The following CWF19L2 variants were observed in gnomAD, a reference collection of about 807,000 sequenced individuals.
CWF19L2 encodes the protein CWF19-like protein 2.
CWF19L2 carries 98 observed loss-of-function variants against 111.7 expected under a neutral mutation model. The ratio of observed to expected loss-of-function variants is 0.88; its 90% confidence interval spans 0.75 to 1.04. The LOEUF is 1.04. Among genes scored for constraint, CWF19L2 ranks in the 50% least tolerant of loss-of-function variants. CWF19L2 has a pLI of 0.00. For missense variants in CWF19L2, 1,101 were observed against 1,051.4 expected (o/e 1.05, Z -0.65); for synonymous variants, 351 against 342.9 (o/e 1.02, Z -0.26).
intron 12 of CWF19L2, among the ~76,000 whole-genome samples, chr11:107,387,442 A>AAAAAC (rs1197757913): frequency 3.8e-5 from 5 of 132,378 alleles, no homozygotes; most frequent in East Asian, 4.6e-4. Flanking sequence ...CAGCCTTGCT[A>AAAAAC]AAAACAAAAC....
chr11:107,382,750 G>A (rs1468819036), intron 12 of CWF19L2, among the ~76,000 whole-genome samples: 1 of 152,154 alleles, frequency 6.6e-6, no homozygotes, highest in Non-Finnish European at 1.5e-5. Flanking sequence ...TACAATGTTG[G>A]GTATCTCAAG....
intron 3 of CWF19L2, among the ~76,000 whole-genome samples, chr11:107,447,517 G>T (rs1371411109): frequency 1.3e-5 from 2 of 152,158 alleles, no homozygotes; most frequent in Non-Finnish European, 2.9e-5. Flanking sequence ...AAGAAACCTC[G>T]CTGAACATCC....
At chr11:107,367,308 C>A (rs1860444573) in intron 12 of CWF19L2, among the ~76,000 whole-genome samples, 1 of 133,316 alleles carries the variant, frequency 7.5e-6, no homozygotes, top group South Asian at 2.6e-4. Context: ...ACCATTTGAC[C>A]CAGCCATCCC....
intron 12 of CWF19L2, among the ~76,000 whole-genome samples, chr11:107,377,928 C>A (rs1187766561): frequency 5.9e-5 from 9 of 151,512 alleles, no homozygotes; most frequent in South Asian, 2.1e-4. Context: ...AAGAAAAAAA[C>A]AAACAACCCC....
chr11:107,406,130 A>G (rs1297562661), intron 10 of CWF19L2, among the ~76,000 whole-genome samples: 1 of 152,220 alleles, frequency 6.6e-6, no homozygotes, highest in Non-Finnish European at 1.5e-5. Flanking sequence ...AAAAGGAAAA[A>G]GCACACACTG....
chr11:107,349,436 A>G (rs763390540), intron 13 of CWF19L2, among the ~76,000 whole-genome samples: 1 of 152,150 alleles, frequency 6.6e-6, no homozygotes, highest in Non-Finnish European at 1.5e-5. Context: ...AAAAAGACAC[A>G]TGGCCTGGTA....
At chr11:107,401,947 C>T (rs145235119) in intron 10 of CWF19L2, among the ~76,000 whole-genome samples, 1,997 of 152,118 alleles carry the variant, frequency 0.013, 37 homozygotes, top group African/African-American at 0.045. Flanking sequence ...AGCCAACTGA[C>T]CTTCGACAAA....
At chr11:107,335,909 T>A (rs913611409) in intron 15 of CWF19L2, among the ~76,000 whole-genome samples, 7 of 152,118 alleles carry the variant, frequency 4.6e-5, no homozygotes, top group Non-Finnish European at 8.8e-5. Context: ...TATAAAAGCA[T>A]CTTCAATGAT....
chr11:107,336,983 G>C (rs996222539), intron 14 of CWF19L2, among the ~76,000 whole-genome samples: 1 of 152,118 alleles, frequency 6.6e-6, no homozygotes, highest in African/African-American at 2.4e-5. Flanking sequence ...TCAGTAAAAT[G>C]AGAGAAAGAA....
At position 107,455,723 on chromosome 11, in the gene CWF19L2, C is replaced by A; in HGVS notation, c.159G>T (p.Arg53=). ...CAGGTAGCATCCATGTATCCTCACCCCGAAGTCGCTTAAGTTCTTTACGCC... is the reference window on the plus strand; with the variant it reads ...CAGGTAGCATCCATGTATCCTCACCACGAAGTCGCTTAAGTTCTTTACGCC... ...EERRKELKRL[R]GEDTWMLPDV... Residue 53 remains arginine (R), a synonymous_variant, in exon 2 of 18, where the codon CGG becomes CGT. Transcript: ENST00000282251. 6.4e-7 allele frequency: 1 copy of A among 1,551,408 alleles called. No homozygotes were observed. The highest frequency in any genetic ancestry group is 2.0e-5 in the Admixed American group (1 of 50,988).
chr11:107,400,311 A>G (rs1217433276), intron 10 of CWF19L2, among the ~76,000 whole-genome samples: 1 of 152,154 alleles, frequency 6.6e-6, no homozygotes, highest in Non-Finnish European at 1.5e-5. Flanking sequence ...AATAAAATTG[A>G]TACACTATTA....
chr11:107,454,521 T>C lies in CWF19L2; in HGVS notation c.268A>G (p.Lys90Glu). The change falls in exon 3 of 18, where the codon AAG becomes GAG. Residue 90 changes from lysine to glutamate, a missense_variant. Lys to Glu is a moderately conservative substitution (Grantham distance 56, BLOSUM62 1). Coordinates refer to ENST00000282251, the MANE Select transcript of CWF19L2 (RefSeq NM_152434.3). The part of the protein sequence containing the change: ...KKKDKHSKKA[K>E]KEKKKKSKKQ... ...TTGCTCTTTTTTTTCTTTTCTTTCT[T>C]TGCTTTTTTTGAATGCTTGTCTTTT... 1 of 1,480,542 alleles carries C rather than the reference T, an allele frequency of 6.8e-7. No homozygotes were observed. Among genetic ancestry groups the C allele is most frequent in the South Asian group, 1.4e-5 (1 of 70,374 alleles). 91.7% of individuals were successfully genotyped at this position (1,480,542 alleles called of 1,614,324 possible). A position where few individuals can be genotyped will look rare whatever the true frequency, so the allele number is the denominator to read the frequency against.
intron 12 of CWF19L2, among the ~76,000 whole-genome samples, chr11:107,373,226 G>A (rs1054154995): frequency 7.7e-6 from 1 of 129,888 alleles, no homozygotes; most frequent in Non-Finnish European, 1.6e-5. Context: ...GCTTGCTCAG[G>A]TAAACAAAGC....
At chr11:107,359,840 C>T (rs1860296779) in intron 12 of CWF19L2, among the ~76,000 whole-genome samples, 1 of 152,126 alleles carries the variant, frequency 6.6e-6, no homozygotes, top group Non-Finnish European at 1.5e-5. Context: ...GAGACTGCTA[C>T]CTCGCTGCTA....
At chr11:107,359,984 G>T (rs1011980988) in intron 12 of CWF19L2, among the ~76,000 whole-genome samples, 1 of 152,236 alleles carries the variant, frequency 6.6e-6, no homozygotes, top group Non-Finnish European at 1.5e-5. Context: ...CCTTGAGGGT[G>T]CCTCTTAGTA....
chr11:107,389,971 G>C, intron 12 of CWF19L2, 103 bp downstream of exon 12: 1 of 955,520 alleles, frequency 1.0e-6, no homozygotes. Flanking sequence ...TTAATAAAAT[G>C]AATCAAGATT....
intron 10 of CWF19L2, among the ~76,000 whole-genome samples, chr11:107,401,986 A>G (rs1278982487): frequency 6.6e-6 from 1 of 152,192 alleles, no homozygotes; most frequent in African/African-American, 2.4e-5. Context: ...TGGGGAAAGG[A>G]CGCCCTTTTC....
At chr11:107,412,961 A>G (rs1048941109) in intron 10 of CWF19L2, among the ~76,000 whole-genome samples, 6 of 152,232 alleles carry the variant, frequency 3.9e-5, no homozygotes, top group African/African-American at 1.4e-4. Context: ...CGAGGTTGCC[A>G]GGAGTTAAGG....
chr11:107,332,492 A>C (rs529798691), intron 16 of CWF19L2, among the ~76,000 whole-genome samples: 1 of 152,102 alleles, frequency 6.6e-6, no homozygotes, highest in African/African-American at 2.4e-5. Flanking sequence ...ATTTGTAAAA[A>C]TCAGAATGGA....
Sources: allele counts gnomAD v4.1 joint callset (sites outside exome capture counted in the v4.1 genomes callset), GRCh38; gene constraint gnomAD v4.1.1; transcripts MANE v1.5; gene names NCBI Gene and HGNC (gene_info 2026-07-23, HGNC 2026-07-21).